The following PPFIBP1 variants were observed in gnomAD, a reference collection of about 807,000 sequenced individuals.
The protein encoded by PPFIBP1 is liprin-beta-1.
In PPFIBP1, 112 loss-of-function variants were observed where a neutral mutation model predicts 137.8. That is an observed-to-expected ratio of 0.81 (90% CI 0.70 to 0.95). PPFIBP1 has a LOEUF of 0.95. Among genes scored for constraint, PPFIBP1 ranks in the 40% least tolerant of loss-of-function variants. The pLI is 0.00. For missense variants in PPFIBP1, 1,083 were observed against 1,196.6 expected (o/e 0.91, Z 1.40); for synonymous variants, 378 against 417.3 (o/e 0.91, Z 1.15).
intron 1 of PPFIBP1, among the ~76,000 whole-genome samples, chr12:27,570,190 G>A (rs773711067): frequency 2.6e-5 from 4 of 152,002 alleles, no homozygotes; most frequent in Non-Finnish European, 4.4e-5. Context: ...ATAAGACTAG[G>A]ATTTCAATTT....
chr12:27,588,762 T>G (rs577769164), intron 2 of PPFIBP1, among the ~76,000 whole-genome samples: 20 of 152,350 alleles, frequency 1.3e-4, no homozygotes, highest in African/African-American at 4.8e-4. Flanking sequence ...AAAGCTGTGA[T>G]GTTTACCATA....
chr12:27,667,852 C>G (rs1218094780), intron 13 of PPFIBP1, among the ~76,000 whole-genome samples: 1 of 152,092 alleles, frequency 6.6e-6, no homozygotes, highest in Non-Finnish European at 1.5e-5. Flanking sequence ...TACATGTGAC[C>G]GCTTGGCTTC....
At chr12:27,548,265 TC>T (rs1946420882) in intron 1 of PPFIBP1, 1 of 152,146 alleles carries the variant, frequency 6.6e-6, no homozygotes, top group African/African-American at 2.4e-5. Context: ...GTTGAATGGG[TC>T]GCCGTAACAA....
At chr12:27,559,418 C>T (rs577458994) in intron 1 of PPFIBP1, among the ~76,000 whole-genome samples, 69 of 152,182 alleles carry the variant, frequency 4.5e-4, no homozygotes, top group African/African-American at 1.5e-3. Context: ...CCATCCACCT[C>T]GGCCTCCCAA....
At chr12:27,641,863 C>T (rs540615572) in intron 4 of PPFIBP1, among the ~76,000 whole-genome samples, 3 of 152,090 alleles carry the variant, frequency 2.0e-5, no homozygotes, top group Non-Finnish European at 2.9e-5. Flanking sequence ...ACCAGGCATT[C>T]GAACTGGCAG....
In PPFIBP1 at chr12:27,682,629, A is replaced by G; in HGVS notation, c.2173A>G (p.Ile725Val). ...CTCTCTTTTAGGATGGTTGGATGAC[A>G]TTGGCCTCCCTCAATATAAGACCCA... ...FNWVTRWLDDIGLPQYKTQFD... is the reference protein window; with the variant it reads ...FNWVTRWLDDVGLPQYKTQFD... Residue 725 changes from isoleucine (I) to valine (V), a missense_variant, in exon 24 of 30, where the codon ATT becomes GTT. Coordinates refer to ENST00000228425, the MANE Select transcript of PPFIBP1 (RefSeq NM_003622.4). 6.2e-7 allele frequency: 1 copy of G among 1,614,176 alleles called. No individual in the cohort carries two copies. Among genetic ancestry groups the G allele is most frequent in the South Asian group, 1.1e-5 (1 of 91,082 alleles).
Position 27,694,959 on chromosome 12 carries a change from CTAA to C in PPFIBP1, c.*2085_*2087del, listed in dbSNP as rs1406513789. The C allele has an allele frequency of 6.6e-6, 1 of 152,170 alleles. No homozygotes were observed. The highest frequency in any genetic ancestry group is 1.9e-4 in the East Asian group (1 of 5,202). The allele number at this position is 152,170 out of a possible 1,614,324, so 9.4% of individuals were successfully genotyped here. The stretch of plus-strand genomic sequence containing the variant: ...TTTATTCATAACAATTGATTTGATG[CTAA>C]TAATAATTTTCTTTAAACTCTACCA... On this transcript the variant is annotated 3_prime_UTR_variant, in exon 30 of 30. Transcript: ENST00000228425.
At chr12:27,632,946 A>G (rs1011735111) in intron 2 of PPFIBP1, among the ~76,000 whole-genome samples, 43 of 152,290 alleles carry the variant, frequency 2.8e-4, no homozygotes, top group East Asian at 1.9e-4. Flanking sequence ...GTACAGAAAG[A>G]AAAAACAAAA....
At chr12:27,544,327 A>T (rs1008075047) in intron 1 of PPFIBP1, among the ~76,000 whole-genome samples, 6 of 152,210 alleles carry the variant, frequency 3.9e-5, no homozygotes, top group African/African-American at 1.4e-4. Flanking sequence ...ATGCCTAGTG[A>T]TGGGCAAAGA....
rs560033077 is a variant in PPFIBP1, at chr12:27,626,469, C to T, written c.-35-6893C>T. ...TGTGTGTGAGTCTAGTGATTGAGTGCGCCTCAGAGCCAGTGGGAGGGCTTG... is the reference window on the plus strand; with the variant it reads ...TGTGTGTGAGTCTAGTGATTGAGTGTGCCTCAGAGCCAGTGGGAGGGCTTG... On this transcript the variant is annotated intron_variant, in intron 2 of 29. Coordinates refer to ENST00000228425, the MANE Select transcript of PPFIBP1 (RefSeq NM_003622.4). Among the ~76,000 whole-genome samples, 17 of 152,170 alleles carry T rather than the reference C, an allele frequency of 1.1e-4. 1 individual carries two copies. The South Asian group carries it at 3.5e-3, about 32-fold the overall frequency.
chr12:27,671,120 T>G (rs555020086), intron 13 of PPFIBP1, among the ~76,000 whole-genome samples: 2 of 151,946 alleles, frequency 1.3e-5, no homozygotes, highest in East Asian at 3.9e-4. Context: ...CTGGGCAACA[T>G]AGCAAGACGC....
chr12:27,676,962 T>C (rs897875956), intron 18 of PPFIBP1, 102 bp from the exon 19 acceptor site: 1 of 1,452,396 alleles, frequency 6.9e-7, no homozygotes, highest in Non-Finnish European at 9.7e-7. Flanking sequence ...CTCCACGGTG[T>C]GTATTTGGCG....
chr12:27,656,409 A>G (rs1388336797), intron 8 of PPFIBP1, among the ~76,000 whole-genome samples: 4 of 152,210 alleles, frequency 2.6e-5, no homozygotes, highest in Non-Finnish European at 4.4e-5. Flanking sequence ...AAATAATTAT[A>G]CCATAACTAT....
In PPFIBP1 at chr12:27,676,447, G is replaced by T. The variant is rs375725857; in HGVS notation, c.1430G>T (p.Ser477Ile). ...KTSEDRAPAE[S>I]RPFGTLPPRP... ...TCTCAGGACAGAGCTCCGGCAGAAA[G>T]CAGGCCATTTGGGACCCTTCCTCCC... The change falls in exon 18 of 30, where the codon AGC becomes ATC. Residue 477 changes from serine (S) to isoleucine (I), a missense_variant. Physicochemically the swap from Ser to Ile is moderately radical, Grantham distance 142. Coordinates refer to ENST00000228425, the MANE Select transcript of PPFIBP1 (RefSeq NM_003622.4). 6.5e-7 allele frequency: 1 copy of T among 1,546,820 alleles called. No homozygotes were observed. Among genetic ancestry groups the T allele is most frequent in the African/African-American group, 1.4e-5 (1 of 71,984 alleles).
intron 2 of PPFIBP1, among the ~76,000 whole-genome samples, chr12:27,611,122 C>A (rs2055060948): frequency 6.6e-6 from 1 of 152,200 alleles, no homozygotes; most frequent in Non-Finnish European, 1.5e-5. Context: ...TATGCTATAT[C>A]TAATTGAATT....
At chr12:27,585,249 G>A (rs1174688422) in intron 2 of PPFIBP1, among the ~76,000 whole-genome samples, 3 of 152,190 alleles carry the variant, frequency 2.0e-5, no homozygotes, top group African/African-American at 4.8e-5. Flanking sequence ...GACTTTGTAA[G>A]TCACTTTGTA....
intron 1 of PPFIBP1, among the ~76,000 whole-genome samples, chr12:27,542,715 G>A (rs1015738443): frequency 6.6e-6 from 1 of 152,134 alleles, no homozygotes; most frequent in Non-Finnish European, 1.5e-5. Flanking sequence ...TTTTTCTGTT[G>A]AGTAGACTTT....
chr12:27,594,247 G>A (rs1328436608), intron 2 of PPFIBP1, among the ~76,000 whole-genome samples: 3 of 137,878 alleles, frequency 2.2e-5, no homozygotes, highest in East Asian at 2.1e-4. Context: ...GTGTGATCTC[G>A]GCTCACTGCA....
rs1290181596 is a variant in PPFIBP1 at position 27,695,087 on chromosome 12, G to A, written c.*2205G>A. ...AAAAATCAATTTGTTCTTAGAACCT[G>A]GTTGAAAATACCAGGAAACTGTTAC... is the stretch of plus-strand genomic sequence containing the variant. On this transcript the variant is annotated 3_prime_UTR_variant, in exon 30 of 30. Coordinates refer to ENST00000228425, the MANE Select transcript of PPFIBP1 (RefSeq NM_003622.4). 14 of 151,326 alleles carry A rather than the reference G, an allele frequency of 9.3e-5. No individual in the cohort carries two copies. The highest frequency in any genetic ancestry group is 8.6e-4 in the Admixed American group (13 of 15,140). The allele number at this position is 151,326 out of a possible 1,614,324, so 9.4% of individuals were successfully genotyped here. A position where few individuals can be genotyped will look rare whatever the true frequency, so the allele number is the denominator to read the frequency against.
Sources: allele counts gnomAD v4.1 joint callset (sites outside exome capture counted in the v4.1 genomes callset), GRCh38; gene constraint gnomAD v4.1.1; transcripts MANE v1.5; gene names NCBI Gene and HGNC (gene_info 2026-07-23, HGNC 2026-07-21).